KLHDC1: variants seen among roughly 807,000 people sequenced by gnomAD.
The protein encoded by KLHDC1 is kelch domain-containing protein 1.
Under a neutral mutation model 68.3 loss-of-function variants are expected in KLHDC1, and 53 were observed. That is an observed-to-expected ratio of 0.78 (90% confidence interval 0.62 to 0.98). KLHDC1 has a LOEUF of 0.98. KLHDC1 is among the 50% of genes least tolerant of loss of function. The probability of loss-of-function intolerance (pLI) is 0.00; values close to 1 mark genes in which losing one functional copy is unlikely to be tolerated. For synonymous variants in KLHDC1, 148 were observed against 159.0 expected (o/e 0.93, Z 0.52); for missense variants, 470 against 492.3 (o/e 0.95, Z 0.43).
chr14:49,751,048 TGGG>T (rs1253071471), intron 12 of KLHDC1: 1 of 152,228 alleles, frequency 6.6e-6, no homozygotes, highest in African/African-American at 2.4e-5. Flanking sequence ...ATATGGTTAT[TGGG>T]CTGACTGAAA....
intron 4 of KLHDC1, among the ~76,000 whole-genome samples, chr14:49,718,769 C>CTTTTTTTTTTTTTTTTTTTTT (rs71115397): frequency 5.2e-5 from 4 of 76,846 alleles, no homozygotes; most frequent in Non-Finnish European, 9.8e-5. Context: ...TTCTTTCTTT[C>CTTTTTTTTTTTTTTTTTTTTT]TTTTTTTTTT....
chr14:49,715,248 G>A (rs958605432), intron 4 of KLHDC1, among the ~76,000 whole-genome samples: 31 of 149,942 alleles, frequency 2.1e-4, no homozygotes, highest in African/African-American at 6.8e-4. Context: ...TCAGCCTCCC[G>A]AATAGCTGGG....
intron 3 of KLHDC1, 27 bp downstream of exon 3, chr14:49,709,853 C>A: frequency 3.4e-6 from 4 of 1,163,496 alleles, no homozygotes; most frequent in Non-Finnish European, 3.7e-6. Context: ...TTCAAGAGTG[C>A]AGCAAAATGT....
chr14:49,724,100 T>C (rs776882352), intron 5 of KLHDC1, 148 bp downstream of exon 5: 3 of 567,634 alleles, frequency 5.3e-6, no homozygotes, highest in Non-Finnish European at 9.2e-6. Flanking sequence ...CTCTTTAACA[T>C]TTGGATCCAT....
At chr14:49,695,601 G>T (rs917880201) in intron 1 of KLHDC1, among the ~76,000 whole-genome samples, 1 of 151,728 alleles carries the variant, frequency 6.6e-6, no homozygotes. Context: ...AGGGCCCTAG[G>T]ATTTTCAGAA....
intron 1 of KLHDC1, among the ~76,000 whole-genome samples, 186 bp downstream of exon 1, chr14:49,693,476 C>G (rs1186867674): frequency 6.6e-6 from 1 of 151,840 alleles, no homozygotes; most frequent in Non-Finnish European, 1.5e-5. Flanking sequence ...GTCGTCCCGC[C>G]GTTGCTTCTT....
Position 49,710,193 on chromosome 14 carries a change from T to A in KLHDC1, c.286-70T>A, listed in dbSNP as rs1888161567. 8.6e-6 allele frequency: 7 copies of A among 815,888 alleles called. No homozygotes were observed. The Admixed American group carries it at 1.2e-4, about 14-fold the overall frequency. The allele number at this position is 815,888 out of a possible 1,614,324, so 50.5% of individuals were successfully genotyped here. ...GAAAATAATAGTATTAATTCTTGGA[T>A]CACATTCCCTCTGATATAGATTTAA... On this transcript the variant is annotated intron_variant, in intron 3 of 12. Coordinates refer to ENST00000359332, the MANE Select transcript of KLHDC1 (RefSeq NM_172193.3).
chr14:49,711,024 T>TCG (rs1888184110), intron 4 of KLHDC1, among the ~76,000 whole-genome samples: 1 of 12,672 alleles, frequency 7.9e-5, no homozygotes, highest in South Asian at 0.056. Context: ...AAATGGAGTC[T>TCG]CACTGTTGCT....
At chr14:49,723,211 C>G (rs1281135516) in intron 4 of KLHDC1, among the ~76,000 whole-genome samples, 1 of 151,330 alleles carries the variant, frequency 6.6e-6, no homozygotes, top group East Asian at 2.0e-4. Flanking sequence ...TTGGGTCCCT[C>G]CCACAGCACA....
intron 12 of KLHDC1, among the ~76,000 whole-genome samples, chr14:49,744,339 A>G (rs925551889): frequency 2.0e-5 from 3 of 151,946 alleles, no homozygotes; most frequent in African/African-American, 7.3e-5. Context: ...TACACATACA[A>G]TACAGTCACT....
intron 1 of KLHDC1, among the ~76,000 whole-genome samples, chr14:49,699,843 C>A (rs1887851011): frequency 6.6e-6 from 1 of 152,110 alleles, no homozygotes; most frequent in African/African-American, 2.4e-5. Flanking sequence ...TTCCACATTA[C>A]AGAAATTCAC....
At chr14:49,738,342 GT>G (rs750397018) in intron 10 of KLHDC1, among the ~76,000 whole-genome samples, 108 of 122,944 alleles carry the variant, frequency 8.8e-4, no homozygotes, top group Non-Finnish European at 1.0e-3. Flanking sequence ...TGGTTTTTTT[GT>G]TTTTTTTTTT....
At chr14:49,713,803 TATATA>T (rs1888273050) in intron 4 of KLHDC1, among the ~76,000 whole-genome samples, 1 of 3,306 alleles carries the variant, frequency 3.0e-4, no homozygotes, top group Admixed American at 4.4e-3. Context: ...AGGAGGTATA[TATATA>T]TATATATATA....
chr14:49,713,109 C>G (rs1033102731), intron 4 of KLHDC1, among the ~76,000 whole-genome samples: 2 of 151,788 alleles, frequency 1.3e-5, no homozygotes, highest in African/African-American at 4.8e-5. Context: ...GCCACCACAC[C>G]CGGGTAATTT....
rs972363586 is a variant in KLHDC1 at position 49,732,162 on chromosome 14, C to T, written c.711-542C>T. Among the ~76,000 whole-genome samples the T allele has an allele frequency of 2.0e-5, 3 of 151,158 alleles. No individual in the cohort carries two copies. The South Asian group carries it at 6.2e-4, about 31-fold the overall frequency. On this transcript the variant is annotated intron_variant, in intron 8 of 12. Transcript: ENST00000359332. ...ATGCTGAGTATGCATTGTGCATTAACGGAGAATTGACTTTTTTTTTTTTTC... is the reference window on the plus strand; with the variant it reads ...ATGCTGAGTATGCATTGTGCATTAATGGAGAATTGACTTTTTTTTTTTTTC...
At chr14:49,710,404 T>A in intron 4 of KLHDC1, 23 bp downstream of exon 4, 1 of 1,179,524 alleles carries the variant, frequency 8.5e-7, no homozygotes, top group Non-Finnish European at 1.3e-6. Context: ...TTGCACTTAA[T>A]GCATTATGTC....
Position 49,722,988 on chromosome 14 carries a change from G to C in KLHDC1, c.405-886G>C, listed in dbSNP as rs552918744. Among the ~76,000 whole-genome samples, 4 of 151,116 alleles carry C rather than the reference G, an allele frequency of 2.6e-5. No homozygotes were observed. In the East Asian group the frequency reaches 7.8e-4, roughly 30 times the overall value. ...TGTAATCCCAGCTACGCAGGAGGCTGAGGCAGGAGATTCACTCGAACCCGG... is the reference window on the plus strand; with the variant it reads ...TGTAATCCCAGCTACGCAGGAGGCTCAGGCAGGAGATTCACTCGAACCCGG... On this transcript the variant is annotated intron_variant, in intron 4 of 12. Coordinates refer to ENST00000359332, the MANE Select transcript of KLHDC1 (RefSeq NM_172193.3).
chr14:49,697,136 C>A (rs1025836376), intron 1 of KLHDC1, among the ~76,000 whole-genome samples: 1 of 152,122 alleles, frequency 6.6e-6, no homozygotes, highest in Admixed American at 6.6e-5. Context: ...TGGGGTTTCA[C>A]CGTGTTAGCC....
intron 12 of KLHDC1, 29 bp from the exon 13 acceptor site, chr14:49,751,557 C>T (rs1889320630): frequency 1.7e-6 from 2 of 1,151,562 alleles, no homozygotes; most frequent in Non-Finnish European, 2.4e-6. Flanking sequence ...AGGTTCAAGA[C>T]TAATAATTCT....
Sources: allele counts gnomAD v4.1 joint callset (sites outside exome capture counted in the v4.1 genomes callset), GRCh38; gene constraint gnomAD v4.1.1; transcripts MANE v1.5; gene names NCBI Gene and HGNC (gene_info 2026-07-23, HGNC 2026-07-21).